Variants in MTA3 observed in about 807,000 individuals in gnomAD.
The protein encoded by MTA3 is metastasis-associated protein MTA3.
Under a neutral mutation model 83.5 loss-of-function variants are expected in MTA3, and 34 were observed. That is an observed-to-expected ratio of 0.41 (90% CI 0.31 to 0.54). The LOEUF (loss-of-function observed/expected upper bound fraction) is 0.54, where lower values mean the gene tolerates loss of function less well. Ranked by LOEUF, MTA3 falls within the 20% of genes least tolerant of loss-of-function variation. The pLI is 0.33. For missense variants in MTA3, 761 were observed against 726.4 expected (o/e 1.05, Z -0.55); for synonymous variants, 303 against 252.7 (o/e 1.20, Z -1.89).
In MTA3 at chr2:42,723,032, G is replaced by T. The variant is rs1254695040; in HGVS notation, c.1756G>T (p.Asp586Tyr). 2 of 1,550,678 alleles carry T rather than the reference G, an allele frequency of 1.3e-6. No individual in the cohort carries two copies. The highest frequency in any genetic ancestry group is 1.7e-6 in the Non-Finnish European group (2 of 1,146,978). ...AAACTACAGTCATCACAATGGTCTG[G>T]ATGGTATGTAAGCCCAGGAATTCTG... ...KRNYSHHNGL[D>Y]ELTCCVSD is the part of the protein sequence containing the mutation. Residue 586 changes from aspartate to tyrosine, a missense_variant, in exon 16 of 17, where the codon GAT (aspartate) becomes TAT (tyrosine). Asp to Tyr is a radical substitution (Grantham distance 160). Coordinates refer to ENST00000405094, the MANE Select transcript of MTA3 (RefSeq NM_001330442.2).
chr2:42,556,364 G>T (rs1451845081), intron 2 of MTA3, among the ~76,000 whole-genome samples: 1 of 152,204 alleles, frequency 6.6e-6, no homozygotes, highest in Admixed American at 6.5e-5. Context: ...TTTACCAAGT[G>T]CCCAGCCTTG....
chr2:42,678,291 T>C (rs1303870867), intron 8 of MTA3, among the ~76,000 whole-genome samples: 2 of 152,224 alleles, frequency 1.3e-5, no homozygotes, highest in Non-Finnish European at 2.9e-5. Flanking sequence ...AAATTGTTCA[T>C]GAAATCCCTA....
intron 9 of MTA3, among the ~76,000 whole-genome samples, chr2:42,693,838 A>G (rs980481969): frequency 1.3e-5 from 2 of 152,106 alleles, no homozygotes; most frequent in Admixed American, 6.5e-5. Context: ...ATAGCCACCT[A>G]TAGCTGGGAA....
chr2:42,498,417 A>T (rs1674241777), intron 2 of MTA3, among the ~76,000 whole-genome samples: 1 of 152,172 alleles, frequency 6.6e-6, no homozygotes, highest in Non-Finnish European at 1.5e-5. Flanking sequence ...CAGGAAGAGA[A>T]AGTCTCCGGT....
chr2:42,542,661 C>G (rs1288928642), intron 2 of MTA3, among the ~76,000 whole-genome samples: 6 of 152,050 alleles, frequency 3.9e-5, no homozygotes, highest in Non-Finnish European at 7.4e-5. Flanking sequence ...AAGCAATCCT[C>G]CCACCTCAGC....
intron 2 of MTA3, among the ~76,000 whole-genome samples, chr2:42,516,067 A>G (rs184943947): frequency 0.01 from 1,546 of 151,524 alleles, 19 homozygotes; most frequent in African/African-American, 0.031. Flanking sequence ...GGCACCCGCC[A>G]CCACGCCCAG....
rs1189961628 is a variant in MTA3, at chr2:42,507,610, A to G, written c.-141+12356A>G. On this transcript the variant is annotated intron_variant, in intron 2 of 17. Transcript: ENST00000405592. ...CATCTTTTTTTTTAACTGTGTGAAA[A>G]GATTATGTTTTTAATGAAAAAAAAA... Among the ~76,000 whole-genome samples the G allele has an allele frequency of 2.0e-5, 3 of 151,832 alleles. No homozygotes were observed. In the East Asian group the frequency reaches 5.8e-4, roughly 29 times the overall value.
chr2:42,705,354 T>G (rs528791911), intron 12 of MTA3, among the ~76,000 whole-genome samples: 1 of 152,348 alleles, frequency 6.6e-6, no homozygotes, highest in Admixed American at 6.5e-5. Flanking sequence ...TCATGTATAT[T>G]CAAATGAAAA....
intron 16 of MTA3, among the ~76,000 whole-genome samples, chr2:42,727,568 A>C (rs1451169265): frequency 6.6e-6 from 1 of 152,148 alleles, no homozygotes; most frequent in Non-Finnish European, 1.5e-5. Flanking sequence ...CCCTGAAGAG[A>C]AGGCAGCAGG....
At chr2:42,670,133 C>T (rs1297884390) in intron 8 of MTA3, among the ~76,000 whole-genome samples, 1 of 152,126 alleles carries the variant, frequency 6.6e-6, no homozygotes, top group African/African-American at 2.4e-5. Context: ...GTGGCACATG[C>T]CTGTAATCCC....
At chr2:42,660,245 C>T (rs1457922581) in intron 8 of MTA3, among the ~76,000 whole-genome samples, 1 of 152,100 alleles carries the variant, frequency 6.6e-6, no homozygotes. Context: ...CGTGCCACCA[C>T]ACCCAGCTAA....
chr2:42,739,739 C>A (rs1459164189), intron 16 of MTA3, among the ~76,000 whole-genome samples: 1 of 152,192 alleles, frequency 6.6e-6, no homozygotes, highest in East Asian at 1.9e-4. Flanking sequence ...TCTGCTGCTG[C>A]TTTACCAACT....
At chr2:42,535,213 C>T (rs889276340) in intron 2 of MTA3, among the ~76,000 whole-genome samples, 4 of 151,748 alleles carry the variant, frequency 2.6e-5, no homozygotes, top group African/African-American at 9.7e-5. Context: ...ATGGTAAAAC[C>T]CCGTCTCTAC....
chr2:42,513,815 C>T (rs1407028639), intron 2 of MTA3, among the ~76,000 whole-genome samples: 2 of 152,174 alleles, frequency 1.3e-5, no homozygotes, highest in African/African-American at 4.8e-5. Context: ...GGCAAACGGG[C>T]TTACACCTAG....
Position 42,657,994 on chromosome 2 carries a change from C to T in MTA3, c.602+1692C>T, listed in dbSNP as rs116229367. Among the ~76,000 whole-genome samples the T allele has an allele frequency of 2.2e-5, 3 of 134,804 alleles. No homozygotes were observed. In the East Asian group the frequency reaches 7.0e-4, roughly 31 times the overall value. 88.4% of individuals were successfully genotyped at this position (134,804 alleles called of 152,430 possible). Reference sequence around the variant, plus strand: ...GACTGAGGCGGGAAAATTGCTTGAACTTGCGAGACGGAGGTTGCAGTAAGC... The same window carrying T: ...GACTGAGGCGGGAAAATTGCTTGAATTTGCGAGACGGAGGTTGCAGTAAGC... On this transcript the variant is annotated intron_variant, in intron 7 of 16. Transcript: ENST00000405094.
At chr2:42,711,587 T>C (rs1666613640) in intron 14 of MTA3, among the ~76,000 whole-genome samples, 1 of 152,188 alleles carries the variant, frequency 6.6e-6, no homozygotes, top group Non-Finnish European at 1.5e-5. Context: ...TCTTTTTTAT[T>C]TTTCAGACAA....
chr2:42,592,045 C>T (rs1681069520), intron 3 of MTA3, among the ~76,000 whole-genome samples: 1 of 152,086 alleles, frequency 6.6e-6, no homozygotes, highest in African/African-American at 2.4e-5. Flanking sequence ...TGGCAGATTG[C>T]TTGAGCCCAG....
At chr2:42,577,143 C>G (rs1320784213) in intron 2 of MTA3, among the ~76,000 whole-genome samples, 1 of 123,608 alleles carries the variant, frequency 8.1e-6, no homozygotes, top group African/African-American at 3.2e-5. Flanking sequence ...TAAAAATGAA[C>G]TCTTAATTGC....
rs142321366 is a variant in MTA3, at chr2:42,721,058, A to G, written c.1613-1831A>G. 3.3e-5 allele frequency among the ~76,000 whole-genome samples: 5 copies of G among 151,832 alleles called. No homozygotes were observed. In the East Asian group the frequency reaches 5.8e-4, roughly 18 times the overall value. On this transcript the variant is annotated intron_variant, in intron 15 of 16. Transcript: ENST00000405094. ...TCCTACTGTGGGCAAATTGGTCTCTATATCTACCAGATAGGCCCAGACTGT... is the reference window on the plus strand; with the variant it reads ...TCCTACTGTGGGCAAATTGGTCTCTGTATCTACCAGATAGGCCCAGACTGT...
Sources: allele counts gnomAD v4.1 joint callset (sites outside exome capture counted in the v4.1 genomes callset), GRCh38; gene constraint gnomAD v4.1.1; transcripts MANE v1.5; gene names NCBI Gene and HGNC (gene_info 2026-07-23, HGNC 2026-07-21).